RBBP8: variants seen among roughly 807,000 people sequenced by gnomAD.
RBBP8 encodes the protein DNA endonuclease RBBP8.
A neutral mutation model predicts 108.3 loss-of-function variants in RBBP8; 88 were observed. The ratio of observed to expected loss-of-function variants is 0.81; its 90% CI spans 0.68 to 0.97. RBBP8 has a LOEUF of 0.97. Ranked by LOEUF, RBBP8 falls within the 50% of genes least tolerant of loss-of-function variation. The probability of loss-of-function intolerance (pLI) is 0.00; values close to 1 mark genes in which losing one functional copy is unlikely to be tolerated. For missense variants in RBBP8, 1,023 were observed against 1,049.0 expected, an observed-to-expected ratio of 0.98 and a Z score of 0.34; for synonymous variants, 332 against 348.2, an observed-to-expected ratio of 0.95 and a Z score of 0.52.
Position 22,945,591 on chromosome 18 carries a change from C to T in RBBP8, c.110-853C>T, listed in dbSNP as rs970311194. Among the ~76,000 whole-genome samples, 8 of 152,188 alleles carry T rather than the reference C, an allele frequency of 5.3e-5. No individual in the cohort carries two copies. The South Asian group carries it at 1.2e-3, about 24-fold the overall frequency. ...AGAGACGGGGTTTCTCCACGTTGAT[C>T]GGGCTGGTCTCGGAACTCTTGACCT... On this transcript the variant is annotated intron_variant, in intron 2 of 18. Transcript: ENST00000327155.
In RBBP8 at chr18:22,949,520, G is replaced by C. The variant is rs1275102864; in HGVS notation, c.153-98G>C. On this transcript the variant is annotated intron_variant, in intron 3 of 18. Transcript: ENST00000327155. Reference sequence around the variant, plus strand: ...CTGACCTTTTCAGTTGTTTTGTTTTGGTACAAGAAATTTGTTATATAAACA... The same window carrying C: ...CTGACCTTTTCAGTTGTTTTGTTTTCGTACAAGAAATTTGTTATATAAACA... 4.5e-6 allele frequency: 4 copies of C among 885,342 alleles called. No individual in the cohort carries two copies. The African/African-American group carries it at 5.0e-5, about 11-fold the overall frequency. 54.8% of individuals were successfully genotyped at this position (885,342 alleles called of 1,614,324 possible).
chr18:22,971,374 T>C (rs1914067550), intron 5 of RBBP8, among the ~76,000 whole-genome samples: 1 of 143,638 alleles, frequency 7.0e-6, no homozygotes, highest in African/African-American at 2.5e-5. Flanking sequence ...TTTCTTTTGG[T>C]GATTGTTTTT....
chr18:22,932,994 A>C (rs1250070988), upstream of RBBP8, among the ~76,000 whole-genome samples: 1 of 152,224 alleles, frequency 6.6e-6, no homozygotes, highest in Non-Finnish European at 1.5e-5. Flanking sequence ...CCCATCAGTT[A>C]ATTTTAACTC....
intron 12 of RBBP8, among the ~76,000 whole-genome samples, chr18:22,996,075 C>T (rs1230922529): frequency 2.0e-5 from 3 of 152,110 alleles, no homozygotes; most frequent in African/African-American, 4.8e-5. Context: ...TTTGCCATCT[C>T]GTGGTTTTGG....
chr18:22,940,616 G>A (rs773914322), intron 2 of RBBP8, among the ~76,000 whole-genome samples: 4 of 151,738 alleles, frequency 2.6e-5, no homozygotes, highest in South Asian at 2.1e-4. Flanking sequence ...CACTGCGCCC[G>A]GTCTATATTT....
intron 5 of RBBP8, among the ~76,000 whole-genome samples, chr18:22,970,341 A>G (rs1303413409): frequency 6.6e-6 from 1 of 152,216 alleles, no homozygotes; most frequent in Non-Finnish European, 1.5e-5. Context: ...TACATATCTA[A>G]TAGATTTCCA....
intron 3 of RBBP8, among the ~76,000 whole-genome samples, chr18:22,927,496 T>C (rs562505163): frequency 2.0e-5 from 3 of 152,302 alleles, no homozygotes; most frequent in Non-Finnish European, 2.9e-5. Flanking sequence ...GGGCCTGCGC[T>C]GTACGATACA....
chr18:22,951,605 A>C (rs911187842), intron 4 of RBBP8, among the ~76,000 whole-genome samples: 1 of 152,176 alleles, frequency 6.6e-6, no homozygotes, highest in African/African-American at 2.4e-5. Flanking sequence ...TCTTAATTCA[A>C]TTCCTACACT....
In RBBP8 at chr18:23,018,487, A is replaced by G. The variant is rs181240619; in HGVS notation, c.2454+1563A>G. 1.9e-3 allele frequency among the ~76,000 whole-genome samples: 284 copies of G among 152,364 alleles called. 1 individual carries two copies. Among genetic ancestry groups the G allele is most frequent in the African/African-American group, 6.5e-3 (272 of 41,584 alleles). ...TTTGTATCTGTGGGAAACTGGCTTC[A>G]GGACCTACTGTGGATACCAAAATCA... On this transcript the variant is annotated intron_variant, in intron 17 of 18. Coordinates refer to ENST00000327155, the MANE Select transcript of RBBP8 (RefSeq NM_002894.3).
At chr18:22,974,111 A>C (rs756946042) in intron 5 of RBBP8, among the ~76,000 whole-genome samples, 1 of 152,210 alleles carries the variant, frequency 6.6e-6, no homozygotes, top group African/African-American at 2.4e-5. Flanking sequence ...AGTACAATTA[A>C]CCTTCTTTGG....
At chr18:22,981,881 C>T (rs1904413769) in intron 6 of RBBP8, among the ~76,000 whole-genome samples, 2 of 152,176 alleles carry the variant, frequency 1.3e-5, no homozygotes, top group African/African-American at 4.8e-5. Flanking sequence ...GGCTCTCGTT[C>T]ATGTAATTCC....
chr18:22,967,732 C>T (rs1462748421), intron 4 of RBBP8, among the ~76,000 whole-genome samples: 3 of 151,284 alleles, frequency 2.0e-5, no homozygotes, highest in African/African-American at 4.9e-5. Flanking sequence ...CTGCAAGCTC[C>T]GCCTCCCAGG....
chr18:22,998,846 G>A (rs1475156058), intron 14 of RBBP8, among the ~76,000 whole-genome samples: 1 of 152,154 alleles, frequency 6.6e-6, no homozygotes, highest in African/African-American at 2.4e-5. Context: ...TGAAGCAGAT[G>A]GTTACCTGGG....
chr18:22,930,051 A>C (rs1020405920), upstream of RBBP8, among the ~76,000 whole-genome samples: 6 of 152,240 alleles, frequency 3.9e-5, no homozygotes, highest in Admixed American at 2.6e-4. Flanking sequence ...ACAGGATTTC[A>C]TTTGTAAATG....
At chr18:22,939,003 A>C (rs1422230821) in intron 2 of RBBP8, among the ~76,000 whole-genome samples, 1 of 152,234 alleles carries the variant, frequency 6.6e-6, no homozygotes, top group African/African-American at 2.4e-5. Flanking sequence ...AGCTAAGCTC[A>C]AGGTTTTAAT....
intron 16 of RBBP8, among the ~76,000 whole-genome samples, chr18:23,008,826 T>G (rs1012629681): frequency 4.4e-5 from 6 of 136,774 alleles, no homozygotes; most frequent in African/African-American, 1.7e-4. Flanking sequence ...CAGGCTGGAG[T>G]GCAGTGGCAC....
At position 22,936,895 on chromosome 18, in the gene RBBP8, A is replaced by T; in HGVS notation, c.44A>T (p.Asp15Val). The change falls in exon 2 of 19, where the codon GAT becomes GTT. Residue 15 changes from aspartate (D) to valine (V), a missense_variant. Coordinates refer to ENST00000327155, the MANE Select transcript of RBBP8 (RefSeq NM_002894.3). ...GSSCGSPNSA[D>V]TSSDFKDLWT... ...AGCTGTGGAAGCCCTAACTCTGCAG[A>T]TACATCTAGTGACTTTAAGGACCTT... 3 of 1,614,208 alleles carry T rather than the reference A, an allele frequency of 1.9e-6. No homozygotes were observed. The highest frequency in any genetic ancestry group is 1.1e-5 in the South Asian group (1 of 91,088).
chr18:23,002,341 C>T (rs2045963030), intron 15 of RBBP8, among the ~76,000 whole-genome samples: 1 of 152,058 alleles, frequency 6.6e-6, no homozygotes, highest in African/African-American at 2.4e-5. Flanking sequence ...CCCAGGAGGT[C>T]GTGGCTGCAT....
chr18:22,990,351 C>T (rs1343880840), intron 9 of RBBP8, among the ~76,000 whole-genome samples: 1 of 152,202 alleles, frequency 6.6e-6, no homozygotes, highest in East Asian at 1.9e-4. Flanking sequence ...AAGCACTGTT[C>T]TCTAAAGGAT....
Sources: allele counts gnomAD v4.1 joint callset (sites outside exome capture counted in the v4.1 genomes callset), GRCh38; gene constraint gnomAD v4.1.1; transcripts MANE v1.5; gene names NCBI Gene and HGNC (gene_info 2026-07-23, HGNC 2026-07-21).